Variants in DLC1 observed in about 807,000 individuals in gnomAD.
The protein encoded by DLC1 is DLC1 Rho GTPase activating protein.
In DLC1, 54 loss-of-function variants were observed where a neutral mutation model predicts 140.3. The ratio of observed to expected loss-of-function variants is 0.38; its 90% CI spans 0.31 to 0.48. The LOEUF is 0.48. Among genes scored for constraint, DLC1 ranks in the 20% least tolerant of loss-of-function variants. The probability of loss-of-function intolerance (pLI) is 0.96; values close to 1 mark genes in which losing one functional copy is unlikely to be tolerated. For missense variants in DLC1, 2,536 were observed against 1,907.0 expected, an observed-to-expected ratio of 1.33 and a Z score of -6.14; for synonymous variants, 986 against 728.1, an observed-to-expected ratio of 1.35 and a Z score of -5.70.
At chr8:13,176,021 CACAAATTTCA>C (rs917875548) in intron 5 of DLC1, among the ~76,000 whole-genome samples, 55 of 152,188 alleles carry the variant, frequency 3.6e-4, no homozygotes, top group African/African-American at 1.2e-3. Context: ...ACTTTTTGGC[CACAAATTTCA>C]ACAAATTTCA....
chr8:13,356,359 T>C (rs1320904182), intron 4 of DLC1, among the ~76,000 whole-genome samples: 2 of 152,188 alleles, frequency 1.3e-5, no homozygotes, highest in East Asian at 3.9e-4. Context: ...GCATAAGTTG[T>C]CCACATTCCT....
At chr8:13,143,621 ATTTT>A (rs35614849) in intron 5 of DLC1, among the ~76,000 whole-genome samples, 1 of 145,108 alleles carries the variant, frequency 6.9e-6, no homozygotes, top group Non-Finnish European at 1.5e-5. Context: ...ACCCTGGTTG[ATTTT>A]TTTTTTTTTT....
intron 7 of DLC1, among the ~76,000 whole-genome samples, chr8:13,107,115 T>C (rs1819630358): frequency 1.3e-5 from 2 of 152,354 alleles, no homozygotes; most frequent in South Asian, 4.1e-4. Flanking sequence ...CATGAACCCC[T>C]TGCAGTGTGA....
intron 2 of DLC1, among the ~76,000 whole-genome samples, chr8:13,496,653 C>G (rs1195496254): frequency 3.3e-5 from 5 of 151,884 alleles, no homozygotes; most frequent in African/African-American, 1.2e-4. Context: ...TATTGGTCTG[C>G]TACTGTTGTT....
chr8:13,268,968 G>C (rs371058420), intron 5 of DLC1, among the ~76,000 whole-genome samples: 232 of 146,458 alleles, frequency 1.6e-3, no homozygotes, highest in African/African-American at 5.6e-3. Flanking sequence ...TCCGCCTCCC[G>C]GGTTCACGCC....
intron 3 of DLC1, among the ~76,000 whole-genome samples, chr8:13,400,321 T>G (rs1586279302): frequency 6.6e-6 from 1 of 152,094 alleles, no homozygotes; most frequent in African/African-American, 2.4e-5. Context: ...CATTTATGCC[T>G]CCCAACGAGC....
At chr8:13,303,908 A>T (rs1487854314) in intron 5 of DLC1, among the ~76,000 whole-genome samples, 1 of 152,244 alleles carries the variant, frequency 6.6e-6, no homozygotes, top group Non-Finnish European at 1.5e-5. Flanking sequence ...AAGAGGAGAA[A>T]GAGAACTCTC....
intron 4 of DLC1, among the ~76,000 whole-genome samples, chr8:13,361,955 G>A (rs1486213154): frequency 6.6e-6 from 1 of 152,166 alleles, no homozygotes; most frequent in African/African-American, 2.4e-5. Context: ...GTCAAGGCAG[G>A]AAGAAGAGGA....
At chr8:13,095,540 G>A (rs1221834778) in intron 10 of DLC1, 5 of 322,448 alleles carry the variant, frequency 1.6e-5, no homozygotes, top group Non-Finnish European at 2.9e-5. Flanking sequence ...TTCTAAGAGT[G>A]GGGGTTGACA....
chr8:13,478,624 C>G (rs1349204964), intron 2 of DLC1, among the ~76,000 whole-genome samples: 1 of 152,164 alleles, frequency 6.6e-6, no homozygotes, highest in African/African-American at 2.4e-5. Context: ...GGATCCCATC[C>G]CTTCTCATCA....
chr8:13,580,372 C>T (rs1805049856), intron 1 of DLC1, among the ~76,000 whole-genome samples: 1 of 152,306 alleles, frequency 6.6e-6, no homozygotes, highest in South Asian at 2.1e-4. Flanking sequence ...CTGCCCGCGT[C>T]GGACTCCCAA....
intron 2 of DLC1, among the ~76,000 whole-genome samples, chr8:13,478,575 C>T (rs1472232946): frequency 6.6e-6 from 1 of 152,188 alleles, no homozygotes; most frequent in Non-Finnish European, 1.5e-5. Context: ...GGGATGAACT[C>T]TTAGCTAAAG....
chr8:13,469,809 T>C (rs932356851), intron 2 of DLC1, among the ~76,000 whole-genome samples: 2 of 152,216 alleles, frequency 1.3e-5, no homozygotes, highest in Admixed American at 1.3e-4. Context: ...TGAAAGTCTA[T>C]GTGGATATGC....
chr8:13,394,591 C>T (rs1358302160), intron 3 of DLC1, among the ~76,000 whole-genome samples: 1 of 152,060 alleles, frequency 6.6e-6, no homozygotes, highest in Non-Finnish European at 1.5e-5. Context: ...AGCAAAGGCA[C>T]GTATCACTCT....
At chr8:13,346,105 C>T (rs1287926821) in intron 4 of DLC1, among the ~76,000 whole-genome samples, 2 of 152,144 alleles carry the variant, frequency 1.3e-5, no homozygotes, top group African/African-American at 4.8e-5. Context: ...ATAAGAATTT[C>T]AGATATGAGA....
At chr8:13,581,275 T>C (rs1330975340) in intron 1 of DLC1, among the ~76,000 whole-genome samples, 1 of 152,190 alleles carries the variant, frequency 6.6e-6, no homozygotes, top group Non-Finnish European at 1.5e-5. Context: ...TGAATAAACA[T>C]ACATATACAA....
At chr8:13,590,077 A>C (rs76086982) in intron 1 of DLC1, among the ~76,000 whole-genome samples, 20 of 145,278 alleles carry the variant, frequency 1.4e-4, no homozygotes, top group African/African-American at 3.1e-4. Context: ...ATATATATAT[A>C]CAAACACATG....
intron 4 of DLC1, among the ~76,000 whole-genome samples, chr8:13,309,588 G>A (rs1832588153): frequency 6.6e-6 from 1 of 152,156 alleles, no homozygotes; most frequent in Admixed American, 6.5e-5. Flanking sequence ...TAGACTGTGT[G>A]CATGCCTGTT....
At chr8:13,374,443 G>T (rs1036923174) in intron 4 of DLC1, among the ~76,000 whole-genome samples, 1 of 152,168 alleles carries the variant, frequency 6.6e-6, no homozygotes, top group African/African-American at 2.4e-5. Flanking sequence ...TACATGGCAA[G>T]AGAGTGTATA....
Sources: allele counts gnomAD v4.1 joint callset (sites outside exome capture counted in the v4.1 genomes callset), GRCh38; gene constraint gnomAD v4.1.1; transcripts MANE v1.5; gene names NCBI Gene and HGNC (gene_info 2026-07-23, HGNC 2026-07-21).